Variants in TTLL10 observed in about 807,000 individuals in gnomAD.
TTLL10 encodes inactive polyglycylase TTLL10.
A neutral mutation model predicts 69.0 loss-of-function variants in TTLL10; 61 were observed. That is an observed-to-expected ratio of 0.88 (90% CI 0.72 to 1.09). TTLL10 has a LOEUF of 1.09. Ranked by LOEUF, TTLL10 falls within the 50% of genes least tolerant of loss-of-function variation. The pLI is 0.00. For synonymous variants in TTLL10, 408 were observed against 393.3 expected, an observed-to-expected ratio of 1.04 and a Z score of -0.44; for missense variants, 962 against 945.9, an observed-to-expected ratio of 1.02 and a Z score of -0.22.
At chr1:1,193,744 C>T (rs1030454170) in intron 13 of TTLL10, among the ~76,000 whole-genome samples, 3 of 152,182 alleles carry the variant, frequency 2.0e-5, no homozygotes, top group African/African-American at 7.2e-5. Context: ...GGATTACAGG[C>T]GTGAGCCACC....
intron 3 of TTLL10, chr1:1,176,338 G>A (rs576993719): frequency 2.2e-6 from 1 of 452,274 alleles, no homozygotes; most frequent in East Asian, 6.9e-5. Context: ...CACTGTGCAG[G>A]TGGAGAGAGG....
chr1:1,185,436 C>T lies in TTLL10; in HGVS notation c.1401+327C>T. 5 of 1,132,884 alleles carry T rather than the reference C, an allele frequency of 4.4e-6. No homozygotes were observed. The South Asian group carries it at 1.3e-4, about 29-fold the overall frequency. The allele number at this position is 1,132,884 out of a possible 1,614,324, so 70.2% of individuals were successfully genotyped here. A position where few individuals can be genotyped will look rare whatever the true frequency, so the allele number is the denominator to read the frequency against. On this transcript the variant is annotated intron_variant, in intron 13 of 15. Coordinates refer to ENST00000379289, the MANE Select transcript of TTLL10 (RefSeq NM_001130045.2). The surrounding 1 kb of genome is among the most constrained non-coding windows in gnomAD (Gnocchi z 6.1). ...GAAGAGTCTTTGTTCCTTTCAGATC[C>T]TCCACTTGGCAGGCAGGGCCAACAG...
intron 5 of TTLL10, 84 bp from the exon 6 acceptor site, chr1:1,179,950 G>T: frequency 6.9e-7 from 1 of 1,444,290 alleles, no homozygotes; most frequent in South Asian, 1.5e-5. Context: ...GGAGAAATGG[G>T]CTGGGAGCAA....
chr1:1,177,983 G>C (rs900518442), intron 3 of TTLL10, among the ~76,000 whole-genome samples: 1 of 152,210 alleles, frequency 6.6e-6, no homozygotes, highest in Non-Finnish European at 1.5e-5. Flanking sequence ...ACGGGTCCCA[G>C]TGGCCCCACC....
chr1:1,179,957 G>A (rs1646993463), intron 5 of TTLL10, 77 bp from the exon 6 acceptor site: 1 of 1,446,868 alleles, frequency 6.9e-7, no homozygotes. Context: ...TGGGCTGGGA[G>A]CAAACTGGCT....
intron 3 of TTLL10, among the ~76,000 whole-genome samples, chr1:1,176,701 G>A (rs1017922850): frequency 1.1e-4 from 16 of 152,174 alleles, no homozygotes; most frequent in Admixed American, 7.2e-4. Context: ...CTCCGGCTCT[G>A]TGCCTGTATC....
chr1:1,190,111 CAAAA>C (rs941009566), intron 13 of TTLL10, among the ~76,000 whole-genome samples: 2 of 74,230 alleles, frequency 2.7e-5, no homozygotes, highest in Non-Finnish European at 2.8e-5. Flanking sequence ...GACCCCGTCT[CAAAA>C]AAAAAAAAAA....
chr1:1,180,907 G>A (rs1269165656), intron 8 of TTLL10, 47 bp downstream of exon 8: 17 of 1,299,366 alleles, frequency 1.3e-5, no homozygotes, highest in Middle Eastern at 2.8e-4. Flanking sequence ...CCGCCCCTAC[G>A]CCTGCCCCTG....
chr1:1,185,054 A>T lies in TTLL10; in HGVS notation c.1346A>T (p.Asp449Val). The T allele has an allele frequency of 1.2e-6, 2 of 1,614,082 alleles. No homozygotes were observed. Among genetic ancestry groups the T allele is most frequent in the Non-Finnish European group, 1.7e-6 (2 of 1,179,996 alleles). ...GAACACCTCAACCGCTACATCAGTG[A>T]CACGTTCTGGAAGGCCCGGGGCCTC... ...SMEHLNRYIS[D>V]TFWKARGLAK... The change falls in exon 13 of 16, where the codon GAC becomes GTC. Residue 449 changes from aspartate (D) to valine (V), a missense_variant. By Grantham distance (152) the Asp-to-Val change is radical. Coordinates refer to ENST00000379289, the MANE Select transcript of TTLL10 (RefSeq NM_001130045.2). This position sits in a 1 kb window ranked among gnomAD's most constrained non-coding sequence, Gnocchi z 6.1.
rs112277816 is a variant in TTLL10, at chr1:1,187,241, G to A, written c.1401+2132G>A. Among the ~76,000 whole-genome samples, 314 of 152,234 alleles carry A rather than the reference G, an allele frequency of 2.1e-3. 1 individual carries two copies. Among genetic ancestry groups the A allele is most frequent in the Non-Finnish European group, 3.4e-3 (231 of 68,020 alleles). On this transcript the variant is annotated intron_variant, in intron 13 of 15. Transcript: ENST00000379289. ...ATTGTGGCTGTCTTTTCACTTTCTT[G>A]ATAATGTCCTTTGACCACAAAAGCT...
At position 1,197,873 on chromosome 1, in the gene TTLL10, C is replaced by A. The variant is rs1648362420; in HGVS notation, c.*26C>A. ...GGGCAGCCACCCGCGCCCAGCGCCC[C>A]GCGCCCCGCGCCCCAGCCGTGCTGC... On this transcript the variant is annotated 3_prime_UTR_variant, in exon 16 of 16. Transcript: ENST00000379289. The A allele has an allele frequency of 7.1e-7, 1 of 1,400,268 alleles. No individual in the cohort carries two copies. Among genetic ancestry groups the A allele is most frequent in the Non-Finnish European group, 9.3e-7 (1 of 1,077,794 alleles). The allele number at this position is 1,400,268 out of a possible 1,614,324, so 86.7% of individuals were successfully genotyped here. A position where few individuals can be genotyped will look rare whatever the true frequency, so the allele number is the denominator to read the frequency against.
intron 13 of TTLL10, among the ~76,000 whole-genome samples, chr1:1,188,944 C>A (rs1249042517): frequency 6.6e-6 from 1 of 151,852 alleles, no homozygotes; most frequent in Non-Finnish European, 1.5e-5. Context: ...TTTAAATTTC[C>A]TTTTTGGATT....
At chr1:1,183,793 TG>T in intron 11 of TTLL10, 126 bp from the exon 12 acceptor site, 1 of 1,252,744 alleles carries the variant, frequency 8.0e-7, no homozygotes, top group Non-Finnish European at 1.1e-6. Flanking sequence ...CCCCTTTCCC[TG>T]GAGGTCACAC....
rs13376670 is a variant in TTLL10, at chr1:1,182,106, A to G, written c.831-255A>G. Among the ~76,000 whole-genome samples the G allele has an allele frequency of 0.25, 38,633 of 152,198 alleles. 7,042 individuals carry two copies. The highest frequency in any genetic ancestry group is 0.51 in the African/African-American group (21,174 of 41,514). On this transcript the variant is annotated intron_variant, in intron 9 of 15. Coordinates refer to ENST00000379289, the MANE Select transcript of TTLL10 (RefSeq NM_001130045.2). ...GACGGTGCCAGCCGGGAGAGCAACCATGAGGGAAAAAGCAGCCAGCGGGAG... is the reference window on the plus strand; with the variant it reads ...GACGGTGCCAGCCGGGAGAGCAACCGTGAGGGAAAAAGCAGCCAGCGGGAG...
At chr1:1,182,107 T>A (rs1017732127) in intron 9 of TTLL10, among the ~76,000 whole-genome samples, 3 of 151,754 alleles carry the variant, frequency 2.0e-5, no homozygotes, top group Non-Finnish European at 4.4e-5. Context: ...AGAGCAACCA[T>A]GAGGGAAAAA....
chr1:1,182,068 C>T (rs1474508174), intron 9 of TTLL10, among the ~76,000 whole-genome samples: 7 of 152,206 alleles, frequency 4.6e-5, no homozygotes, highest in Admixed American at 4.6e-4. Flanking sequence ...GGTGGTGGCT[C>T]ACAAATGGCT....
intron 9 of TTLL10, 86 bp from the exon 10 acceptor site, chr1:1,182,275 G>A (rs999785342): frequency 1.3e-5 from 16 of 1,225,674 alleles, no homozygotes; most frequent in South Asian, 6.0e-5. Flanking sequence ...ACTCCCTCCC[G>A]CCGGGCCACA....
intron 10 of TTLL10, 70 bp from the exon 11 acceptor site, chr1:1,182,806 T>C: frequency 1.3e-6 from 2 of 1,483,180 alleles, no homozygotes; most frequent in African/African-American, 1.4e-5. Flanking sequence ...GGGAGGGTCC[T>C]GGTCGGGCCC....
In TTLL10 at chr1:1,183,000, C is replaced by A. The variant is rs1421877052; in HGVS notation, c.1041C>A (p.Ile347=). 5.6e-6 allele frequency: 9 copies of A among 1,609,866 alleles called. No homozygotes were observed. Residue 347 remains isoleucine (I), a synonymous_variant, in exon 11 of 16, where the codon ATC becomes ATA. Coordinates refer to ENST00000379289, the MANE Select transcript of TTLL10 (RefSeq NM_001130045.2). Reference sequence around the variant, plus strand: ...CCCGGAGCATGGAGGACGACCCCATCCACCACAAGACGCCGTTCCGGGGGC... The same window carrying A: ...CCCGGAGCATGGAGGACGACCCCATACACCACAAGACGCCGTTCCGGGGGC... ...AKTRSMEDDP[I]HHKTPFRGPQ...
Sources: gnomAD v4.1 joint callset for allele counts (sites outside exome capture counted in the v4.1 genomes callset) on GRCh38, gnomAD v4.1.1 for gene constraint, Gnocchi (gnomAD v3.1) non-coding constraint, MANE v1.5 for transcripts, NCBI Gene and HGNC (gene_info 2026-07-23, HGNC 2026-07-21) for gene names.